The following CAMTA1 variants were observed in gnomAD, a reference collection of about 807,000 sequenced individuals.
CAMTA1 encodes the protein calmodulin-binding transcription activator 1.
CAMTA1 carries 27 observed loss-of-function variants against 170.9 expected under a neutral mutation model. The ratio of observed to expected loss-of-function variants is 0.16; its 90% CI spans 0.12 to 0.22. The LOEUF is 0.22. Among genes scored for constraint, CAMTA1 ranks in the 10% least tolerant of loss-of-function variants. CAMTA1 has a pLI of 1.00. For missense variants in CAMTA1, 1,619 were observed against 2,217.2 expected (o/e 0.73, Z 5.42); for synonymous variants, 833 against 891.5 (o/e 0.93, Z 1.17).
intron 19 of CAMTA1, 185 bp from the exon 20 acceptor site, chr1:7,751,014 T>C (rs761548694): frequency 1.4e-6 from 1 of 733,076 alleles, no homozygotes; most frequent in Admixed American, 2.0e-5. Context: ...AGTAATATTT[T>C]ACATTTTGGA....
At chr1:7,143,016 G>A (rs1645976800) in intron 4 of CAMTA1, among the ~76,000 whole-genome samples, 2 of 152,186 alleles carry the variant, frequency 1.3e-5, no homozygotes, top group African/African-American at 4.8e-5. Flanking sequence ...TGGGGAACCT[G>A]GATCTAGACT....
In CAMTA1 at chr1:7,685,121, T is replaced by C. The variant is rs1197608743; in HGVS notation, c.2914+7388T>C. Among the ~76,000 whole-genome samples the C allele has an allele frequency of 6.6e-6, 1 of 152,058 alleles. No homozygotes were observed. The highest frequency in any genetic ancestry group is 2.4e-5 in the African/African-American group (1 of 41,386). On this transcript the variant is annotated intron_variant, in intron 11 of 22. Transcript: ENST00000303635. This position sits in a 1 kb window ranked among gnomAD's most constrained non-coding sequence, Gnocchi z 5.7. ...GGAGTTCGCAGGCACCGTCCTGCGG[T>C]CACAGGTGGTGTGTTTTGAGGAGTT...
rs1370449429 is a variant in CAMTA1, at chr1:7,063,318, G to C, written c.235-27986G>C. On this transcript the variant is annotated intron_variant, in intron 3 of 22. Transcript: ENST00000303635. The surrounding 1 kb of genome is among the most constrained non-coding windows in gnomAD (Gnocchi z 4.3). Reference sequence around the variant, plus strand: ...TCCGCAACACCTCTCAGACCCGTCAGTGTGCTGAGGCGCAGCTTCCCAGAG... The same window carrying C: ...TCCGCAACACCTCTCAGACCCGTCACTGTGCTGAGGCGCAGCTTCCCAGAG... Among the ~76,000 whole-genome samples, 1 of 152,256 alleles carries C rather than the reference G, an allele frequency of 6.6e-6. No individual in the cohort carries two copies. Among genetic ancestry groups the C allele is most frequent in the Non-Finnish European group, 1.5e-5 (1 of 68,044 alleles).
chr1:7,099,880 T>C (rs534859474), intron 4 of CAMTA1, among the ~76,000 whole-genome samples: 1 of 152,360 alleles, frequency 6.6e-6, no homozygotes, highest in South Asian at 2.1e-4. Flanking sequence ...TAGCCTGTGT[T>C]TCTTGCCTCT....
rs886361248 is a variant in CAMTA1, at chr1:7,248,696, C to G, written c.303-795C>G. Among the ~76,000 whole-genome samples the G allele has an allele frequency of 2.0e-5, 3 of 152,028 alleles. No homozygotes were observed. The highest frequency in any genetic ancestry group is 7.3e-5 in the African/African-American group (3 of 41,372). ...ATCTGCAGATATGCACGTCATCAGC[C>G]TCTCCTCTCTGTGGTGGACGCGTGT... On this transcript the variant is annotated intron_variant, in intron 4 of 22. Transcript: ENST00000303635. This position sits in a 1 kb window ranked among gnomAD's most constrained non-coding sequence, Gnocchi z 4.0.
intron 6 of CAMTA1, among the ~76,000 whole-genome samples, chr1:7,543,743 A>G (rs900557652): frequency 1.3e-5 from 2 of 152,178 alleles, no homozygotes; most frequent in African/African-American, 4.8e-5. Context: ...AACAGTTTTT[A>G]TATTTTATTT....
chr1:7,261,485 G>A (rs1668161505), intron 5 of CAMTA1, among the ~76,000 whole-genome samples: 1 of 152,160 alleles, frequency 6.6e-6, no homozygotes, highest in Admixed American at 6.5e-5. Context: ...GATTTCCAAC[G>A]GAAGTGAGGT....
rs780818693 is a variant in CAMTA1 at position 7,663,441 on chromosome 1, G to A, written c.894G>A (p.Gly298=). Residue 298 remains glycine, a synonymous_variant, in exon 9 of 23, where the codon GGG becomes GGA. Coordinates refer to ENST00000303635, the MANE Select transcript of CAMTA1 (RefSeq NM_015215.4). ...TGGAGCCACGGACAGGGGGGTACGGGAGCCACTCGGAGGTGCAGCACAATG... is the reference window on the plus strand; with the variant it reads ...TGGAGCCACGGACAGGGGGGTACGGAAGCCACTCGGAGGTGCAGCACAATG... ...PKVEPRTGGY[G]SHSEVQHNDV... The A allele has an allele frequency of 1.3e-6, 2 of 1,579,446 alleles. No homozygotes were observed. Among genetic ancestry groups the A allele is most frequent in the Non-Finnish European group, 1.7e-6 (2 of 1,157,212 alleles).
intron 3 of CAMTA1, among the ~76,000 whole-genome samples, chr1:6,890,772 A>G (rs1302767753): frequency 1.3e-5 from 2 of 151,602 alleles, no homozygotes; most frequent in African/African-American, 4.8e-5. Context: ...AGGTCTTGCT[A>G]TTTTGCCCAG....
chr1:7,509,643 T>C (rs988460060), intron 6 of CAMTA1, among the ~76,000 whole-genome samples: 1 of 152,134 alleles, frequency 6.6e-6, no homozygotes, highest in Non-Finnish European at 1.5e-5. Context: ...ATAAACCCCA[T>C]TTCTCAGAGG....
Position 6,816,440 on chromosome 1 carries a change from A to G in CAMTA1, c.46-3741A>G, listed in dbSNP as rs56039382. Among the ~76,000 whole-genome samples the G allele has an allele frequency of 2.6e-3, 396 of 152,242 alleles. 1 individual carries two copies. Among genetic ancestry groups the G allele is most frequent in the African/African-American group, 9.2e-3 (383 of 41,532 alleles). On this transcript the variant is annotated intron_variant, in intron 1 of 22. Coordinates refer to ENST00000303635, the MANE Select transcript of CAMTA1 (RefSeq NM_015215.4). ...TGTTAGGTGCTCCTTTAATAGTTGTAGAACAAATGGAAGGAGCTACCATAA... is the reference window on the plus strand; with the variant it reads ...TGTTAGGTGCTCCTTTAATAGTTGTGGAACAAATGGAAGGAGCTACCATAA...
chr1:7,318,009 G>A (rs1311901261), intron 5 of CAMTA1, among the ~76,000 whole-genome samples: 1 of 152,158 alleles, frequency 6.6e-6, no homozygotes, highest in African/African-American at 2.4e-5. Flanking sequence ...CTTCCCTATG[G>A]ATGGCCTGGG....
intron 11 of CAMTA1, among the ~76,000 whole-genome samples, chr1:7,711,596 T>G (rs2096571183): frequency 6.6e-6 from 1 of 152,222 alleles, no homozygotes. Flanking sequence ...GCCCATCACC[T>G]TTTAGTGAAT....
chr1:7,158,912 C>T (rs1475476129), intron 4 of CAMTA1, among the ~76,000 whole-genome samples: 1 of 107,090 alleles, frequency 9.3e-6, no homozygotes, highest in Non-Finnish European at 1.8e-5. Context: ...GAGTGGGGCT[C>T]AAAGAAATAC....
At chr1:7,368,103 C>G (rs564165004) in intron 5 of CAMTA1, among the ~76,000 whole-genome samples, 3 of 151,028 alleles carry the variant, frequency 2.0e-5, no homozygotes, top group African/African-American at 7.3e-5. Context: ...GGCGCAGGCA[C>G]TGGGCACTTA....
intron 5 of CAMTA1, among the ~76,000 whole-genome samples, chr1:7,266,798 C>T (rs1669009553): frequency 6.6e-6 from 1 of 152,296 alleles, no homozygotes; most frequent in Admixed American, 6.5e-5. Flanking sequence ...GGGGACAGGA[C>T]AGTGGATGCC....
intron 5 of CAMTA1, among the ~76,000 whole-genome samples, chr1:7,406,709 A>C (rs2090320485): frequency 1.3e-5 from 2 of 152,084 alleles, no homozygotes; most frequent in South Asian, 4.1e-4. Context: ...TTACGTGTAA[A>C]GGGGACTACT....
chr1:7,698,074 ACCC>A (rs55893283), intron 11 of CAMTA1, among the ~76,000 whole-genome samples: 1,981 of 98,452 alleles, frequency 0.02, 68 homozygotes, highest in East Asian at 0.078. Context: ...ACGCACTGTG[ACCC>A]CCCCCCCCCC....
At chr1:6,990,995 G>A (rs1454349994) in intron 3 of CAMTA1, among the ~76,000 whole-genome samples, 1 of 151,958 alleles carries the variant, frequency 6.6e-6, no homozygotes, top group Non-Finnish European at 1.5e-5. Flanking sequence ...TCCTCTTTTA[G>A]GCAAGGCTTC....
Sources: allele counts gnomAD v4.1 joint callset (sites outside exome capture counted in the v4.1 genomes callset), GRCh38; gene constraint gnomAD v4.1.1; non-coding constraint Gnocchi (gnomAD v3.1); transcripts MANE v1.5; gene names NCBI Gene and HGNC (gene_info 2026-07-23, HGNC 2026-07-21).